Variants in ROBO1 observed in about 807,000 individuals in gnomAD.
ROBO1 encodes the protein roundabout homolog 1.
In ROBO1, 149 loss-of-function variants were observed where a neutral mutation model predicts 195.9. The observed-to-expected ratio is 0.76, with a 90% confidence interval of 0.67 to 0.87. The LOEUF is 0.87. Ranked by LOEUF, ROBO1 falls within the 40% of genes least tolerant of loss-of-function variation. The pLI, the probability that ROBO1 is intolerant of heterozygous loss-of-function variation, is 0.00. For missense variants in ROBO1, 1,933 were observed against 2,068.3 expected (o/e 0.93, Z 1.27); for synonymous variants, 816 against 733.2 (o/e 1.11, Z -1.82).
At chr3:78,805,362 T>G (rs549695603) in intron 4 of ROBO1, among the ~76,000 whole-genome samples, 7 of 152,244 alleles carry the variant, frequency 4.6e-5, no homozygotes, top group Admixed American at 4.6e-4. Flanking sequence ...ACAAACCACA[T>G]GAGAAAGTCA....
chr3:78,697,263 A>AGAGG (rs1320619370), intron 8 of ROBO1, among the ~76,000 whole-genome samples: 3 of 143,718 alleles, frequency 2.1e-5, no homozygotes, highest in South Asian at 5.0e-4. Context: ...AATAAAGGAA[A>AGAGG]GAGGGAGGGA....
In ROBO1 at chr3:79,537,584, G is replaced by GT. The variant is rs1222662458; in HGVS notation, c.88+52239dup. 2.0e-5 allele frequency among the ~76,000 whole-genome samples: 3 copies of GT among 152,108 alleles called. No individual in the cohort carries two copies. The East Asian group carries it at 5.8e-4, about 29-fold the overall frequency. Reference sequence around the variant, plus strand: ...AAATGCCCTCAGAGAGAAGCCATGGGTGGGTGTACATCAAGCTCGTCCAAT... The same window carrying GT: ...AAATGCCCTCAGAGAGAAGCCATGGGTTGGGTGTACATCAAGCTCGTCCAAT... On this transcript the variant is annotated intron_variant, in intron 2 of 30. Coordinates refer to ENST00000464233, the MANE Select transcript of ROBO1 (RefSeq NM_002941.4).
rs140588822 is a variant in ROBO1 at position 78,987,580 on chromosome 3, T to C, written c.173-48653A>G. ...TTTAAAACATTTTAATTATCTCTGG[T>C]CTTTGCCTTCATAAAGGTCCTTGAG... is the stretch of plus-strand genomic sequence containing the variant. On this transcript the variant is annotated intron_variant, in intron 3 of 30. Coordinates refer to ENST00000464233, the MANE Select transcript of ROBO1 (RefSeq NM_002941.4). 3.6e-3 allele frequency among the ~76,000 whole-genome samples: 548 copies of C among 152,210 alleles called. 6 individuals carry two copies. Among genetic ancestry groups the C allele is most frequent in the African/African-American group, 0.013 (536 of 41,530 alleles).
In ROBO1 at chr3:79,566,666, A is replaced by T. The variant is rs139370011; in HGVS notation, c.88+23158T>A. Among the ~76,000 whole-genome samples the T allele has an allele frequency of 8.5e-5, 13 of 152,262 alleles. No homozygotes were observed. The East Asian group carries it at 2.5e-3, about 29-fold the overall frequency. On this transcript the variant is annotated intron_variant, in intron 2 of 30. Coordinates refer to ENST00000464233, the MANE Select transcript of ROBO1 (RefSeq NM_002941.4). ...AAACTCCGTCATGCAGGAATGTTTAAAAGATAATATAAAACAGTGATATGC... is the reference window on the plus strand; with the variant it reads ...AAACTCCGTCATGCAGGAATGTTTATAAGATAATATAAAACAGTGATATGC...
intron 2 of ROBO1, among the ~76,000 whole-genome samples, chr3:79,290,634 C>A (rs140380225): frequency 6.6e-6 from 1 of 152,216 alleles, no homozygotes; most frequent in African/African-American, 2.4e-5. Flanking sequence ...TAGAACACAT[C>A]TTTCTTTTAT....
chr3:78,988,953 T>C (rs556141244), intron 3 of ROBO1, among the ~76,000 whole-genome samples: 1 of 152,122 alleles, frequency 6.6e-6, no homozygotes, highest in Non-Finnish European at 1.5e-5. Context: ...GAAAGTAAGA[T>C]ATCAGTTGGT....
chr3:78,675,448 C>T (rs563162236), intron 10 of ROBO1, among the ~76,000 whole-genome samples: 7 of 152,254 alleles, frequency 4.6e-5, no homozygotes, highest in East Asian at 1.9e-4. Context: ...CCTGGAAAAT[C>T]GGGTCACTCC....
chr3:78,721,181 T>G (rs2082037583), intron 5 of ROBO1, among the ~76,000 whole-genome samples: 1 of 152,218 alleles, frequency 6.6e-6, no homozygotes, highest in African/African-American at 2.4e-5. Context: ...TTATCTTAAT[T>G]ACTGCTTAAT....
chr3:78,735,029 C>G (rs1437225342), intron 5 of ROBO1, among the ~76,000 whole-genome samples: 4 of 152,194 alleles, frequency 2.6e-5, no homozygotes, highest in African/African-American at 9.6e-5. Flanking sequence ...ATATATCTTA[C>G]ACATTGAGAC....
chr3:78,635,709 C>T, intron 23 of ROBO1, 64 bp downstream of exon 23: 1 of 1,358,024 alleles, frequency 7.4e-7, no homozygotes, highest in East Asian at 2.3e-5. Flanking sequence ...CAAGTTTCAA[C>T]ATCTAGTCGA....
intron 2 of ROBO1, among the ~76,000 whole-genome samples, chr3:79,182,923 T>C (rs920053260): frequency 2.6e-5 from 4 of 151,410 alleles, no homozygotes; most frequent in Non-Finnish European, 5.9e-5. Context: ...TTTACTAAAA[T>C]ACAAAAAATT....
At chr3:79,035,628 G>A (rs2108315395) in intron 3 of ROBO1, among the ~76,000 whole-genome samples, 1 of 152,174 alleles carries the variant, frequency 6.6e-6, no homozygotes, top group African/African-American at 2.4e-5. Flanking sequence ...TGGAGGCTAA[G>A]GTGGGAGGAT....
chr3:79,468,822 C>T (rs1018768811), intron 2 of ROBO1, among the ~76,000 whole-genome samples: 3 of 151,972 alleles, frequency 2.0e-5, no homozygotes, highest in African/African-American at 4.8e-5. Flanking sequence ...TTAAACTTCT[C>T]GGAGTTTTAG....
chr3:78,665,941 T>A (rs890390853), intron 14 of ROBO1, among the ~76,000 whole-genome samples: 1 of 152,046 alleles, frequency 6.6e-6, no homozygotes, highest in East Asian at 1.9e-4. Flanking sequence ...CTCACCCAAA[T>A]CTCATCTTGA....
At chr3:79,228,891 G>T (rs1185619029) in intron 2 of ROBO1, among the ~76,000 whole-genome samples, 2 of 152,000 alleles carry the variant, frequency 1.3e-5, no homozygotes, top group African/African-American at 4.8e-5. Context: ...AAAAAAATCA[G>T]TTAATAAAAA....
At chr3:79,464,595 A>G (rs145859005) in intron 2 of ROBO1, among the ~76,000 whole-genome samples, 47 of 152,298 alleles carry the variant, frequency 3.1e-4, no homozygotes, top group Non-Finnish European at 6.2e-4. Flanking sequence ...TGTGCATTTA[A>G]AAAATTTATT....
At chr3:78,981,724 G>A (rs530468936) in intron 3 of ROBO1, among the ~76,000 whole-genome samples, 4 of 151,490 alleles carry the variant, frequency 2.6e-5, no homozygotes, top group African/African-American at 9.7e-5. Flanking sequence ...CTTGAAGGCC[G>A]CCTCAGAACC....
chr3:79,104,907 G>T (rs2079749011), intron 3 of ROBO1, among the ~76,000 whole-genome samples: 1 of 151,906 alleles, frequency 6.6e-6, no homozygotes, highest in Admixed American at 6.6e-5. Flanking sequence ...ATACATATAT[G>T]ATGATATAAT....
At chr3:78,859,832 G>C (rs377447992) in intron 4 of ROBO1, among the ~76,000 whole-genome samples, 16 of 152,178 alleles carry the variant, frequency 1.1e-4, no homozygotes, top group African/African-American at 3.6e-4. Context: ...TATAATCCCA[G>C]CACTTTGGGA....
Sources: allele counts gnomAD v4.1 joint callset (sites outside exome capture counted in the v4.1 genomes callset), GRCh38; gene constraint gnomAD v4.1.1; transcripts MANE v1.5; gene names NCBI Gene and HGNC (gene_info 2026-07-23, HGNC 2026-07-21).